PAK2: variants seen among roughly 807,000 people sequenced by gnomAD.
PAK2 encodes the protein serine/threonine-protein kinase PAK 2.
Under a neutral mutation model 65.9 loss-of-function variants are expected in PAK2, and 21 were observed. The ratio of observed to expected loss-of-function variants is 0.32; its 90% CI spans 0.23 to 0.46. The LOEUF (loss-of-function observed/expected upper bound fraction) is 0.46, where lower values mean the gene tolerates loss of function less well. Ranked by LOEUF, PAK2 falls within the 20% of genes least tolerant of loss-of-function variation. The pLI is 1.00. For synonymous variants in PAK2, 204 were observed against 219.7 expected (o/e 0.93, Z 0.63); for missense variants, 324 against 642.6 (o/e 0.50, Z 5.36).
chr3:196,745,149 T>TGGAGTG (rs1448137818), intron 1 of PAK2, among the ~76,000 whole-genome samples: 23 of 150,410 alleles, frequency 1.5e-4, no homozygotes, highest in African/African-American at 5.6e-4. Context: ...AGAGTCTCAC[T>TGGAGTG]CTGTCACTCA....
At chr3:196,744,794 T>C (rs1030503408) in intron 1 of PAK2, among the ~76,000 whole-genome samples, 5 of 152,212 alleles carry the variant, frequency 3.3e-5, no homozygotes, top group African/African-American at 1.2e-4. Flanking sequence ...TTATTTGTGA[T>C]CATTTATGTT....
chr3:196,804,806 GATATATATATAT>G (rs371990910), intron 4 of PAK2, among the ~76,000 whole-genome samples: 1 of 142,554 alleles, frequency 7.0e-6, no homozygotes, highest in Non-Finnish European at 1.5e-5. Flanking sequence ...GTGTGTGTGT[GATATATATATAT>G]ATATATACAC....
rs1390109325 is a variant in PAK2 at position 196,806,374 on chromosome 3, A to G, written c.469-205A>G. ...TATTTGGTACTCACCATATATATAT[A>G]TTTCATAAACTTTTTCATGATTCAT... On this transcript the variant is annotated intron_variant, in intron 5 of 14. Transcript: ENST00000327134. Among the ~76,000 whole-genome samples the G allele has an allele frequency of 2.0e-5, 3 of 152,148 alleles. No homozygotes were observed. In the East Asian group the frequency reaches 5.8e-4, roughly 29 times the overall value.
At chr3:196,813,518 C>T (rs72611193) in intron 10 of PAK2, among the ~76,000 whole-genome samples, 24,688 of 151,204 alleles carry the variant, frequency 0.16, 2,855 homozygotes, top group East Asian at 0.55. Flanking sequence ...AGAGAAGATT[C>T]GTTGAAAATG....
At chr3:196,815,687 T>C (rs1716000710) in intron 11 of PAK2, among the ~76,000 whole-genome samples, 2 of 151,456 alleles carry the variant, frequency 1.3e-5, no homozygotes, top group Admixed American at 1.3e-4. Flanking sequence ...CTCGGGAGGC[T>C]GAGACGGGAG....
At chr3:196,757,029 A>G (rs1577700115) in intron 1 of PAK2, among the ~76,000 whole-genome samples, 2 of 152,168 alleles carry the variant, frequency 1.3e-5, no homozygotes, top group African/African-American at 4.8e-5. Context: ...GGTAGCCCCT[A>G]TTGTTGTGTC....
At chr3:196,750,326 C>T (rs908875661) in intron 1 of PAK2, among the ~76,000 whole-genome samples, 21 of 151,820 alleles carry the variant, frequency 1.4e-4, no homozygotes, top group African/African-American at 4.6e-4. Flanking sequence ...TTTGTAGAGA[C>T]GGTTCACTCT....
At chr3:196,765,465 G>C (rs982618737) in intron 1 of PAK2, among the ~76,000 whole-genome samples, 1 of 152,130 alleles carries the variant, frequency 6.6e-6, no homozygotes, top group Non-Finnish European at 1.5e-5. Flanking sequence ...ATTTTCTAAA[G>C]TAGTTTTGCC....
At chr3:196,793,986 C>T (rs1715162491) in intron 2 of PAK2, among the ~76,000 whole-genome samples, 1 of 151,984 alleles carries the variant, frequency 6.6e-6, no homozygotes, top group African/African-American at 2.4e-5. Context: ...CAAAAATTAG[C>T]TGGGCTCGGT....
At chr3:196,777,921 T>G (rs1479513447) in intron 1 of PAK2, among the ~76,000 whole-genome samples, 9 of 152,238 alleles carry the variant, frequency 5.9e-5, no homozygotes, top group Non-Finnish European at 4.4e-5. Context: ...ATTCACCATT[T>G]TAAAGTGTAC....
intron 1 of PAK2, among the ~76,000 whole-genome samples, chr3:196,764,228 ACTT>A (rs943241837): frequency 2.0e-5 from 3 of 152,186 alleles, no homozygotes; most frequent in African/African-American, 4.8e-5. Flanking sequence ...TATTTGCATA[ACTT>A]CTTTATGATA....
chr3:196,809,764 T>A (rs1418502545), intron 7 of PAK2, among the ~76,000 whole-genome samples: 1 of 152,124 alleles, frequency 6.6e-6, no homozygotes, highest in African/African-American at 2.4e-5. Context: ...CCTCTTATTA[T>A]TGATCCTGTT....
intron 2 of PAK2, among the ~76,000 whole-genome samples, chr3:196,786,560 G>T (rs1004903815): frequency 6.6e-6 from 1 of 152,040 alleles, no homozygotes; most frequent in Admixed American, 6.6e-5. Flanking sequence ...TCTATAGCTT[G>T]CCTTTTACAC....
At chr3:196,803,259 G>A in intron 4 of PAK2, 95 bp downstream of exon 4, 6 of 1,008,562 alleles carry the variant, frequency 5.9e-6, no homozygotes, top group Non-Finnish European at 8.6e-6. Flanking sequence ...CTAAACTATG[G>A]TTCTTGTTGA....
At chr3:196,808,477 C>T (rs1192058136) in intron 7 of PAK2, among the ~76,000 whole-genome samples, 1 of 148,096 alleles carries the variant, frequency 6.8e-6, no homozygotes, top group African/African-American at 2.5e-5. Flanking sequence ...AAGAGAATCA[C>T]TTGAACCCGG....
intron 1 of PAK2, among the ~76,000 whole-genome samples, chr3:196,764,050 C>T (rs1364268336): frequency 4.0e-5 from 6 of 151,758 alleles, no homozygotes; most frequent in African/African-American, 9.7e-5. Context: ...TCAGGTGATC[C>T]ACCTGCCTCC....
At position 196,829,214 on chromosome 3, in the gene PAK2, C is replaced by T. The variant is rs1483344446; in HGVS notation, c.*809C>T. 2.0e-5 allele frequency: 3 copies of T among 152,582 alleles called. No individual in the cohort carries two copies. Among genetic ancestry groups the T allele is most frequent in the Non-Finnish European group, 4.4e-5 (3 of 68,040 alleles). The allele number at this position is 152,582 out of a possible 1,614,324, so 9.5% of individuals were successfully genotyped here. On this transcript the variant is annotated 3_prime_UTR_variant, in exon 15 of 15. Transcript: ENST00000327134. The stretch of plus-strand genomic sequence containing the variant: ...TTGTCTTCCCTTCTGCCTGTTTCCC[C>T]TTCAGGCTTGGCTCTAGGAACCAAA...
chr3:196,823,142 G>A (rs1711708145), intron 13 of PAK2, among the ~76,000 whole-genome samples: 1 of 152,266 alleles, frequency 6.6e-6, no homozygotes, highest in South Asian at 2.1e-4. Context: ...CAGAAGACCA[G>A]TCAAGAGGCT....
chr3:196,764,225 A>G (rs910354606), intron 1 of PAK2, among the ~76,000 whole-genome samples: 1 of 152,224 alleles, frequency 6.6e-6, no homozygotes, highest in Non-Finnish European at 1.5e-5. Context: ...GTTTATTTGC[A>G]TAACTTCTTT....
Sources: allele counts gnomAD v4.1 joint callset (sites outside exome capture counted in the v4.1 genomes callset), GRCh38; gene constraint gnomAD v4.1.1; transcripts MANE v1.5; gene names NCBI Gene and HGNC (gene_info 2026-07-23, HGNC 2026-07-21).